Variants in FAM90A1 observed in about 807,000 individuals in gnomAD.
FAM90A1 encodes the protein family with sequence similarity 90 member A1.
FAM90A1 carries 10 observed loss-of-function variants against 14.8 expected under a neutral mutation model. The observed-to-expected ratio is 0.67, with a 90% CI of 0.42 to 1.14. The LOEUF is 1.14. Among genes scored for constraint, FAM90A1 ranks in the 50% most tolerant of loss-of-function variants. FAM90A1 has a pLI of 0.00. For missense variants in FAM90A1, 567 were observed against 602.8 expected, an observed-to-expected ratio of 0.94 and a Z score of 0.62; for synonymous variants, 236 against 248.4, an observed-to-expected ratio of 0.95 and a Z score of 0.47.
chr12:8,222,433 G>T lies in FAM90A1; in HGVS notation c.784C>A (p.Arg262Ser). Reference sequence around the variant, plus strand: ...CAGGGCTGTGAGGTCACCGCAGGACGTTTGTCTTGTGCCTGGGGGCTGACG... The same window carrying T: ...CAGGGCTGTGAGGTCACCGCAGGACTTTTGTCTTGTGCCTGGGGGCTGACG... ...QAVSPQAQDK[R>S]PAVTSQPCPP... The change falls in exon 7 of 7, where the codon CGT becomes AGT. Residue 262 changes from arginine (R) to serine (S), a missense_variant. Coordinates refer to ENST00000538603, the MANE Select transcript of FAM90A1 (RefSeq NM_018088.3). The T allele has an allele frequency of 1.2e-6, 2 of 1,607,618 alleles. No homozygotes were observed. Among genetic ancestry groups the T allele is most frequent in the South Asian group, 2.2e-5 (2 of 90,508 alleles).
chr12:8,223,888 G>A lies in FAM90A1; in HGVS notation c.323+128C>T, dbSNP rs758240200. 1.6e-4 allele frequency: 164 copies of A among 1,006,896 alleles called. No individual in the cohort carries two copies. The African/African-American group carries it at 2.0e-3, about 12-fold the overall frequency. The allele number at this position is 1,006,896 out of a possible 1,614,324, so 62.4% of individuals were successfully genotyped here. On this transcript the variant is annotated intron_variant, in intron 5 of 6. Transcript: ENST00000538603. ...GGAACTCCGGAAGACACAGAGCTCC[G>A]GTCTGTTTCTCTGCAGCGTTCCTTC...
rs763541505 is a variant in FAM90A1, at chr12:8,222,158, G to A, written c.1059C>T (p.Pro353=). ...GCCGGTCGCCGCTAAGCACCTGGGC[G>A]GGTGTCCTCGTGCCTGTCTGGGGTG... ...RTSPQTGTRT[P]AQVLSGDRQP... Residue 353 remains proline, a synonymous_variant, in exon 7 of 7, where the codon CCC becomes CCT. Transcript: ENST00000538603. 4 of 1,607,656 alleles carry A rather than the reference G, an allele frequency of 2.5e-6. No homozygotes were observed. Among genetic ancestry groups the A allele is most frequent in the Admixed American group, 3.4e-5 (2 of 59,458 alleles).
At position 8,224,193 on chromosome 12, in the gene FAM90A1, G is replaced by C. The variant is rs1425942353; in HGVS notation, c.146C>G (p.Ala49Gly). The change falls in exon 5 of 7, where the codon GCC becomes GGC. Residue 49 changes from alanine to glycine, a missense_variant. By Grantham distance (60) the Ala-to-Gly change is moderately conservative. Transcript: ENST00000538603. ...GGTACTTCTGGCCGTGTGGCCAAAG[G>C]CCTCACAGTTTTTGCACTTGAGCTG... is the stretch of plus-strand genomic sequence containing the variant. ...DPRLKCKNCE[A>G]FGHTARSTRC... is the part of the protein sequence containing the mutation. The C allele has an allele frequency of 3.1e-6, 5 of 1,611,874 alleles. No homozygotes were observed. Among genetic ancestry groups the C allele is most frequent in the East Asian group, 4.5e-5 (2 of 44,900 alleles).
chr12:8,224,761 C>T lies in FAM90A1; in HGVS notation c.72G>A (p.Arg24=). Residue 24 remains arginine, a synonymous_variant, in exon 4 of 7, where the codon CGG becomes CGA. Transcript: ENST00000538603. ...GAGCCCTTGGCCCAACTGGGGCCCT[C>T]CGCTGCTTCTGGAGGGTCTGGGCTC... ...LVRAQTLQKQ[R]RAPVGPRAPP... is the part of the protein sequence containing the mutation. The T allele has an allele frequency of 1.2e-6, 2 of 1,602,338 alleles. No individual in the cohort carries two copies. The highest frequency in any genetic ancestry group is 1.7e-6 in the Non-Finnish European group (2 of 1,176,764).
intron 1 of FAM90A1, 72 bp from the exon 2 acceptor site, chr12:8,226,550 T>G (rs1948947851): frequency 6.1e-6 from 1 of 165,130 alleles, no homozygotes; most frequent in South Asian, 2.1e-4. Flanking sequence ...CAGCTGGTCT[T>G]GAGACTCCAG....
In FAM90A1 at chr12:8,222,449, G is replaced by A. The variant is rs759494776; in HGVS notation, c.768C>T (p.Pro256=). The change falls in exon 7 of 7, where the codon CCC becomes CCT. Residue 256 remains proline (P), a synonymous_variant. Coordinates refer to ENST00000538603, the MANE Select transcript of FAM90A1 (RefSeq NM_018088.3). ...KTHGLLQAVS[P]QAQDKRPAVT... Reference sequence around the variant, plus strand: ...CCGCAGGACGTTTGTCTTGTGCCTGGGGGCTGACGGCCTGGAGCAGGCCGT... The same window carrying A: ...CCGCAGGACGTTTGTCTTGTGCCTGAGGGCTGACGGCCTGGAGCAGGCCGT... 1 of 1,597,174 alleles carries A rather than the reference G, an allele frequency of 6.3e-7. No homozygotes were observed. The highest frequency in any genetic ancestry group is 1.7e-5 in the Admixed American group (1 of 59,680).
rs766181517 is a variant in FAM90A1, at chr12:8,222,258, A to G, written c.959T>C (p.Ile320Thr). The G allele has an allele frequency of 1.1e-5, 17 of 1,611,204 alleles. No homozygotes were observed. Among genetic ancestry groups the G allele is most frequent in the Non-Finnish European group, 1.4e-5 (17 of 1,179,822 alleles). The part of the protein sequence containing the change: ...LGPFQIPESA[I>T]QGGELGAPEN... ...CGGGGCCCCCAGCTCACCTCCCTGG[A>G]TGGCGCTTTCGGGGATCTGGAAGGG... Residue 320 changes from isoleucine (I) to threonine (T), a missense_variant, in exon 7 of 7, where the codon ATC becomes ACC. Ile to Thr is a moderately conservative substitution (Grantham distance 89). Coordinates refer to ENST00000538603, the MANE Select transcript of FAM90A1 (RefSeq NM_018088.3).
intron 3 of FAM90A1, 54 bp downstream of exon 3, chr12:8,225,782 C>CCT (rs1948930070): frequency 4.6e-5 from 7 of 151,886 alleles, no homozygotes; most frequent in South Asian, 2.1e-4. Flanking sequence ...TGTCTCTTTT[C>CCT]CCCCCCACCC....
In FAM90A1 at chr12:8,226,004, C is replaced by G. The variant is rs781020613; in HGVS notation, c.-213-12G>C. 6.6e-6 allele frequency: 1 copy of G among 152,174 alleles called. No individual in the cohort carries two copies. 9.4% of individuals were successfully genotyped at this position (152,174 alleles called of 1,614,324 possible). A position where few individuals can be genotyped will look rare whatever the true frequency, so the allele number is the denominator to read the frequency against. On this transcript the variant is annotated splice_polypyrimidine_tract_variant and intron_variant, in intron 2 of 6. Transcript: ENST00000538603. Reference sequence around the variant, plus strand: ...CTGCCTCTGGTCACCTGACGTGGAACGTACCCTAACCTAATCAGTTACATG... The same window carrying G: ...CTGCCTCTGGTCACCTGACGTGGAAGGTACCCTAACCTAATCAGTTACATG...
chr12:8,223,219 G>A (rs1295611552), intron 6 of FAM90A1, among the ~76,000 whole-genome samples: 1 of 152,206 alleles, frequency 6.6e-6, no homozygotes, highest in Non-Finnish European at 1.5e-5. Context: ...CTAGGAACGT[G>A]TTGTTGGCAG....
rs71042351 is a variant in FAM90A1 at position 8,226,802 on chromosome 12, C to CTTTTTTTTTTTTTTTT, written c.-420-340_-420-325dup. Among the ~76,000 whole-genome samples the CTTTTTTTTTTTTTTTT allele has an allele frequency of 7.5e-5, 6 of 79,804 alleles. 1 individual carries two copies. Among genetic ancestry groups the CTTTTTTTTTTTTTTTT allele is most frequent in the African/African-American group, 3.5e-4 (6 of 17,162 alleles). The allele number at this position is 79,804 out of a possible 152,430, so 52.4% of individuals were successfully genotyped here. ...TTTTTTCTTGTTTCTTCATTGATGT[C>CTTTTTTTTTTTTTTTT]TTTTTTTTTTTTTTTTTTTTTTTTT... On this transcript the variant is annotated intron_variant, in intron 1 of 6. Transcript: ENST00000538603.
chr12:8,224,294 T>C, intron 4 of FAM90A1, 79 bp from the exon 5 acceptor site: 1 of 1,243,252 alleles, frequency 8.0e-7, no homozygotes, highest in South Asian at 1.2e-5. Context: ...TGAGACGGAT[T>C]GTGAATTCAG....
intron 6 of FAM90A1, among the ~76,000 whole-genome samples, chr12:8,223,008 G>T (rs1335576916): frequency 1.3e-5 from 2 of 152,346 alleles, no homozygotes; most frequent in East Asian, 1.9e-4. Flanking sequence ...GCACACCATT[G>T]TTCAAAAGAT....
chr12:8,224,182 T>A lies in FAM90A1; in HGVS notation c.157A>T (p.Thr53Ser), dbSNP rs1948891566. 1.9e-6 allele frequency: 3 copies of A among 1,612,020 alleles called. No individual in the cohort carries two copies. Among genetic ancestry groups the A allele is most frequent in the Non-Finnish European group, 2.5e-6 (3 of 1,179,856 alleles). The part of the protein sequence containing the change: ...KCKNCEAFGH[T>S]ARSTRCPMKC... ...ATGGGGCACCTGGTACTTCTGGCCG[T>A]GTGGCCAAAGGCCTCACAGTTTTTG... The change falls in exon 5 of 7, where the codon ACG becomes TCG. Residue 53 changes from threonine (T) to serine (S), a missense_variant. Transcript: ENST00000538603.
chr12:8,225,212 C>T (rs773067880), intron 3 of FAM90A1, among the ~76,000 whole-genome samples: 10 of 152,352 alleles, frequency 6.6e-5, no homozygotes, highest in Non-Finnish European at 8.8e-5. Flanking sequence ...GTAGAAGACA[C>T]GATGACTCTA....
Position 8,227,535 on chromosome 12 carries a change from A to C in FAM90A1, c.-476T>G. ...GGCTGCAGGTGCAGGGCTATGCGTC[A>C]GGGGTCAGGGTGCACACATCCCTGC... On this transcript the variant is annotated 5_prime_UTR_variant, in exon 1 of 7. Transcript: ENST00000538603. The C allele has an allele frequency of 1.0e-6, 1 of 969,838 alleles. No homozygotes were observed. The highest frequency in any genetic ancestry group is 1.5e-6 in the Non-Finnish European group (1 of 673,046). The allele number at this position is 969,838 out of a possible 1,614,324, so 60.1% of individuals were successfully genotyped here. A position where few individuals can be genotyped will look rare whatever the true frequency, so the allele number is the denominator to read the frequency against.
In FAM90A1 at chr12:8,222,665, A is replaced by T; in HGVS notation, c.552T>A (p.Ser184=). ...AGCTCAGACTGGCTTTTCTGAGGGGAGACAGTGAAGCTAAGACGGAGCCCC... is the reference window on the plus strand; with the variant it reads ...AGCTCAGACTGGCTTTTCTGAGGGGTGACAGTGAAGCTAAGACGGAGCCCC... ...SDRGSVLASL[S]PLRKASLSSS... The change falls in exon 7 of 7, where the codon TCT becomes TCA. Residue 184 remains serine (S), a synonymous_variant. Transcript: ENST00000538603. 6.2e-7 allele frequency: 1 copy of T among 1,610,888 alleles called. No individual in the cohort carries two copies. Among genetic ancestry groups the T allele is most frequent in the Non-Finnish European group, 8.5e-7 (1 of 1,179,856 alleles).
chr12:8,225,613 A>T (rs1435199768), intron 3 of FAM90A1, among the ~76,000 whole-genome samples: 1 of 152,098 alleles, frequency 6.6e-6, no homozygotes, highest in Non-Finnish European at 1.5e-5. Context: ...CCAATTCAGC[A>T]TGCTGCAGTA....
Position 8,223,494 on chromosome 12 carries a change from C to A in FAM90A1, c.387G>T (p.Pro129=), listed in dbSNP as rs370121170. ...CCGTGGATCCTTTTTGATTTGGCAGCGGCTTCTCTGGAGGTTTCCTGGAAA... is the reference window on the plus strand; with the variant it reads ...CCGTGGATCCTTTTTGATTTGGCAGAGGCTTCTCTGGAGGTTTCCTGGAAA... ...HIFSRKPPEK[P]LPNQKGSTES... Residue 129 remains proline, a synonymous_variant, in exon 6 of 7, where the codon CCG becomes CCT. Transcript: ENST00000538603. 6.2e-7 allele frequency: 1 copy of A among 1,609,824 alleles called. No homozygotes were observed. The highest frequency in any genetic ancestry group is 1.3e-5 in the African/African-American group (1 of 74,836).
Sources: gnomAD v4.1 joint callset for allele counts (sites outside exome capture counted in the v4.1 genomes callset) on GRCh38, gnomAD v4.1.1 for gene constraint, MANE v1.5 for transcripts, NCBI Gene and HGNC (gene_info 2026-07-23, HGNC 2026-07-21) for gene names.